The following NUMB variants were observed in gnomAD, a reference collection of about 807,000 sequenced individuals.
NUMB encodes the protein protein numb homolog.
Under a neutral mutation model 59.7 loss-of-function variants are expected in NUMB, and 29 were observed. The ratio of observed to expected loss-of-function variants is 0.49; its 90% CI spans 0.36 to 0.66. NUMB has a LOEUF of 0.66. NUMB is among the 30% of genes least tolerant of loss of function. The pLI, the probability that NUMB is intolerant of heterozygous loss-of-function variation, is 0.00. For synonymous variants in NUMB, 288 were observed against 288.2 expected (o/e 1.00, Z 0.01); for missense variants, 723 against 822.0 (o/e 0.88, Z 1.47).
At chr14:73,355,876 G>C (rs1893755601) in intron 3 of NUMB, 110 bp from the exon 4 acceptor site, 2 of 778,842 alleles carry the variant, frequency 2.6e-6, no homozygotes, top group Non-Finnish European at 4.0e-6. Context: ...AAAGGTTTTG[G>C]GTTTTATTTA....
At chr14:73,416,427 C>T (rs932673898) in intron 1 of NUMB, among the ~76,000 whole-genome samples, 1 of 151,388 alleles carries the variant, frequency 6.6e-6, no homozygotes, top group Non-Finnish European at 1.5e-5. Flanking sequence ...GGGCTTTATC[C>T]AACAATGGCA....
chr14:73,311,782 AAC>A (rs1890788904), intron 6 of NUMB, among the ~76,000 whole-genome samples: 1 of 152,226 alleles, frequency 6.6e-6, no homozygotes, highest in Admixed American at 6.5e-5. Context: ...AAAACTCCGT[AAC>A]ATATACTGTT....
chr14:73,383,083 T>A (rs1213966510), intron 2 of NUMB, among the ~76,000 whole-genome samples: 1 of 152,154 alleles, frequency 6.6e-6, no homozygotes, highest in South Asian at 2.1e-4. Context: ...GAGGCAGAGG[T>A]TGCAGTGAGC....
intron 4 of NUMB, among the ~76,000 whole-genome samples, chr14:73,326,933 T>C (rs1566744223): frequency 6.6e-6 from 1 of 152,154 alleles, no homozygotes; most frequent in East Asian, 1.9e-4. Flanking sequence ...TACACACAGC[T>C]AGTCAGGGAA....
At position 73,317,761 on chromosome 14, in the gene NUMB, T is replaced by C. The variant is rs1331605399; in HGVS notation, c.202-1339A>G. ...GCCACCAATTAAAATCTGTAGAATT[T>C]ACACAAATTAGATGGGTTTGAACTC... On this transcript the variant is annotated intron_variant, in intron 5 of 12. Transcript: ENST00000555238. Among the ~76,000 whole-genome samples, 3 of 152,248 alleles carry C rather than the reference T, an allele frequency of 2.0e-5. No individual in the cohort carries two copies. The South Asian group carries it at 6.2e-4, about 31-fold the overall frequency.
At chr14:73,435,821 A>T (rs1898029841) in intron 1 of NUMB, among the ~76,000 whole-genome samples, 1 of 151,930 alleles carries the variant, frequency 6.6e-6, no homozygotes, top group Non-Finnish European at 1.5e-5. Flanking sequence ...AGCCTGACCA[A>T]CATGGTGAAA....
chr14:73,443,636 T>G (rs1883244690), intron 1 of NUMB, among the ~76,000 whole-genome samples: 1 of 150,884 alleles, frequency 6.6e-6, no homozygotes, highest in Non-Finnish European at 1.5e-5. Context: ...GCTGAGAGGA[T>G]TGATCGATTG....
At chr14:73,406,620 T>C (rs1410497832) in intron 2 of NUMB, among the ~76,000 whole-genome samples, 1 of 152,192 alleles carries the variant, frequency 6.6e-6, no homozygotes, top group Non-Finnish European at 1.5e-5. Context: ...AGTAATGCAA[T>C]GGCTGGGTCA....
intron 3 of NUMB, among the ~76,000 whole-genome samples, chr14:73,358,794 G>T (rs1233650709): frequency 6.6e-6 from 1 of 151,928 alleles, no homozygotes; most frequent in East Asian, 1.9e-4. Context: ...ATAACACACT[G>T]CCTGTCATAT....
chr14:73,409,967 G>A lies in NUMB; in HGVS notation c.-131C>T, dbSNP rs1461854639. On this transcript the variant is annotated 5_prime_UTR_variant, in exon 2 of 13. Coordinates refer to ENST00000555238, the MANE Select transcript of NUMB (RefSeq NM_001005743.2). ...CTAAGTGAGGCGTCTGAGGATTGCT[G>A]GCCCACCAATATTCCAATCTATGGA... The A allele has an allele frequency of 6.6e-6, 1 of 152,172 alleles. No individual in the cohort carries two copies. The highest frequency in any genetic ancestry group is 1.5e-5 in the Non-Finnish European group (1 of 68,038). The allele number at this position is 152,172 out of a possible 1,614,324, so 9.4% of individuals were successfully genotyped here. A position where few individuals can be genotyped will look rare whatever the true frequency, so the allele number is the denominator to read the frequency against.
rs1566766500 is a variant in NUMB, at chr14:73,372,325, A to G, written c.-100-5344T>C. ...TTCTTTTATATATATATATATATAT[A>G]TATATATATATAACCTTTTATATAT... On this transcript the variant is annotated intron_variant, in intron 2 of 12. Coordinates refer to ENST00000555238, the MANE Select transcript of NUMB (RefSeq NM_001005743.2). Among the ~76,000 whole-genome samples the G allele has an allele frequency of 2.7e-5, 3 of 110,076 alleles. 1 individual carries two copies. In the East Asian group the frequency reaches 1.0e-3, roughly 37 times the overall value. The allele number at this position is 110,076 out of a possible 152,430, so 72.2% of individuals were successfully genotyped here.
chr14:73,299,584 G>A (rs867462491), intron 6 of NUMB, among the ~76,000 whole-genome samples: 5 of 102,994 alleles, frequency 4.9e-5, no homozygotes, highest in African/African-American at 2.0e-4. Context: ...CATGACATAT[G>A]TCATGTCATA....
At position 73,316,365 on chromosome 14, in the gene NUMB, A is replaced by G. The variant is rs200946374; in HGVS notation, c.234+25T>C. 1.6e-5 allele frequency: 25 copies of G among 1,610,032 alleles called. No homozygotes were observed. The Admixed American group carries it at 2.8e-4, about 18-fold the overall frequency. On this transcript the variant is annotated intron_variant, in intron 6 of 12. Coordinates refer to ENST00000555238, the MANE Select transcript of NUMB (RefSeq NM_001005743.2). ...TAGGGGTGTAACTCCTTATAAAGCA[A>G]GCATGAATGTGGCATCAAACTTACT...
Position 73,277,016 on chromosome 14 carries a change from G to T in NUMB, c.1518C>A (p.Val506=), listed in dbSNP as rs114890874. The T allele has an allele frequency of 2.5e-6, 4 of 1,614,120 alleles. No individual in the cohort carries two copies. The East Asian group carries it at 8.9e-5, about 36-fold the overall frequency. Residue 506 remains valine (V), a synonymous_variant, in exon 13 of 13, where the codon GTC becomes GTA. Transcript: ENST00000555238. ...GVVPALQPAF[V]PAQSYPVANG... ...TGGCCACAGGATAGGACTGGGCAGG[G>T]ACAAAGGCTGGTTGCAGGGCTGGGA... is the stretch of plus-strand genomic sequence containing the variant.
chr14:73,355,435 C>T (rs1893731415), intron 4 of NUMB, among the ~76,000 whole-genome samples, 191 bp downstream of exon 4: 1 of 152,108 alleles, frequency 6.6e-6, no homozygotes, highest in African/African-American at 2.4e-5. Context: ...AGAAAACTCC[C>T]TAATTAAAAT....
At chr14:73,295,820 CTG>C (rs757477184) in intron 7 of NUMB, among the ~76,000 whole-genome samples, 1 of 151,924 alleles carries the variant, frequency 6.6e-6, no homozygotes, top group South Asian at 2.1e-4. Context: ...AGGGGTAGAG[CTG>C]TGTGTCTATT....
At chr14:73,339,496 G>A (rs11845881) in intron 4 of NUMB, among the ~76,000 whole-genome samples, 7,845 of 152,168 alleles carry the variant, frequency 0.052, 656 homozygotes, top group African/African-American at 0.18. Context: ...CTTTCTTTGT[G>A]TATTTGCTCA....
At chr14:73,291,440 G>A (rs766375121) in intron 8 of NUMB, among the ~76,000 whole-genome samples, 6 of 151,826 alleles carry the variant, frequency 4.0e-5, no homozygotes, top group Non-Finnish European at 7.4e-5. Context: ...GTGCAGTGGT[G>A]CAATCTTGGC....
At chr14:73,432,789 C>G (rs368679556) in intron 1 of NUMB, among the ~76,000 whole-genome samples, 1 of 152,236 alleles carries the variant, frequency 6.6e-6, no homozygotes, top group Middle Eastern at 3.4e-3. Flanking sequence ...TGCCTAGACC[C>G]TCTTTCAAGG....
Sources: allele counts gnomAD v4.1 joint callset (sites outside exome capture counted in the v4.1 genomes callset), GRCh38; gene constraint gnomAD v4.1.1; transcripts MANE v1.5; gene names NCBI Gene and HGNC (gene_info 2026-07-23, HGNC 2026-07-21).